Variants in PRRG1 observed in about 807,000 individuals in gnomAD.
PRRG1 encodes the protein proline rich and Gla domain 1, also known as transmembrane gamma-carboxyglutamic acid protein 1.
PRRG1 carries 5 observed loss-of-function variants against 11.8 expected under a neutral mutation model. The observed-to-expected ratio is 0.42, with a 90% CI of 0.22 to 0.89. PRRG1 has a LOEUF of 0.89. PRRG1 is among the 40% of genes least tolerant of loss of function. The pLI, the probability that PRRG1 is intolerant of heterozygous loss-of-function variation, is 0.28. For missense variants in PRRG1, 155 were observed against 166.1 expected (o/e 0.93, Z 0.37); for synonymous variants, 66 against 60.4 (o/e 1.09, Z -0.43).
In PRRG1 at chrX:37,393,316, ATAT is replaced by A. The variant is rs1403874063; in HGVS notation, c.-41-12889_-41-12887del. Among the ~76,000 whole-genome samples the A allele has an allele frequency of 3.2e-4, 35 of 108,795 alleles. No individual in the cohort carries two copies. The East Asian group carries it at 9.7e-3, about 30-fold the overall frequency. 94.5% of individuals were successfully genotyped at this position (108,795 alleles called of 115,157 possible). ...TGTTAATGTATAATATATTAATTTT[ATAT>A]TATATTTAATATTAATTATACATAA... On this transcript the variant is annotated intron_variant, in intron 1 of 3. Coordinates refer to ENST00000378628, the MANE Select transcript of PRRG1 (RefSeq NM_001142395.2).
intron 3 of PRRG1, among the ~76,000 whole-genome samples, chrX:37,430,666 A>G (rs1349738851): frequency 9.8e-5 from 11 of 111,802 alleles, no homozygotes; most frequent in Non-Finnish European, 2.1e-4. Context: ...TTCACAAAAA[A>G]TTGCAAAGAT....
At position 37,408,929 on chromosome X, in the gene PRRG1, T is replaced by G. The variant is rs139424743; in HGVS notation, c.10+2670T>G. On this transcript the variant is annotated intron_variant, in intron 2 of 3. Coordinates refer to ENST00000378628, the MANE Select transcript of PRRG1 (RefSeq NM_001142395.2). ...CTCATCAGGTCACTAGCAAAGGGAC[T>G]GTTAGGTGCTTAGTTTAGAAGATGT... Among the ~76,000 whole-genome samples, 26 of 111,617 alleles carry G rather than the reference T, an allele frequency of 2.3e-4. No homozygotes were observed. The East Asian group carries it at 7.1e-3, about 30-fold the overall frequency.
intron 1 of PRRG1, among the ~76,000 whole-genome samples, chrX:37,405,243 C>T (rs1932150906): frequency 9.0e-6 from 1 of 111,681 alleles, no homozygotes; most frequent in Admixed American, 9.5e-5. Flanking sequence ...TGGGAAAACT[C>T]ATATAGTTGA....
intron 1 of PRRG1, among the ~76,000 whole-genome samples, chrX:37,387,908 A>T (rs1332601878): frequency 8.9e-6 from 1 of 112,348 alleles, no homozygotes; most frequent in East Asian, 2.8e-4. Flanking sequence ...TGTAAAATAA[A>T]AAACAACTTA....
intron 3 of PRRG1, among the ~76,000 whole-genome samples, chrX:37,430,495 C>G (rs1009549625): frequency 1.6e-4 from 18 of 111,469 alleles, no homozygotes; most frequent in African/African-American, 5.9e-4. Flanking sequence ...TTCCAGCACC[C>G]AAAAACATCA....
intron 1 of PRRG1, among the ~76,000 whole-genome samples, chrX:37,357,556 A>C (rs782324064): frequency 3.6e-5 from 4 of 111,954 alleles, no homozygotes; most frequent in Non-Finnish European, 7.5e-5. Flanking sequence ...GTAAGTTTTA[A>C]ATTTTGTGCC....
intron 1 of PRRG1, chrX:37,403,661 A>G: frequency 2.2e-6 from 1 of 455,978 alleles, no homozygotes; most frequent in African/African-American, 2.8e-5. Flanking sequence ...AATAAAATAA[A>G]ATAAAATAAA....
chrX:37,438,242 A>T (rs782313344), intron 3 of PRRG1, among the ~76,000 whole-genome samples: 1 of 110,248 alleles, frequency 9.1e-6, no homozygotes, highest in East Asian at 2.8e-4. Flanking sequence ...AAAAGTATAA[A>T]TAATTATGGG....
intron 1 of PRRG1, among the ~76,000 whole-genome samples, chrX:37,398,594 G>T (rs782776303): frequency 8.9e-6 from 1 of 112,558 alleles, no homozygotes; most frequent in Non-Finnish European, 1.9e-5. Context: ...CCAAAGGAAC[G>T]CAGTTCCTCA....
intron 1 of PRRG1, among the ~76,000 whole-genome samples, chrX:37,356,150 A>C (rs1556366072): frequency 8.9e-6 from 1 of 112,213 alleles, no homozygotes; most frequent in East Asian, 2.8e-4. Context: ...GTAAAATATA[A>C]GAAATATATA....
chrX:37,351,062 T>C (rs782632918), intron 1 of PRRG1, among the ~76,000 whole-genome samples: 1 of 111,572 alleles, frequency 9.0e-6, no homozygotes, highest in East Asian at 2.8e-4. Context: ...CTGTTAAATT[T>C]ATATAACTTG....
intron 1 of PRRG1, among the ~76,000 whole-genome samples, chrX:37,388,893 T>C (rs1251813574): frequency 8.9e-6 from 1 of 112,905 alleles, no homozygotes; most frequent in African/African-American, 3.2e-5. Context: ...TCTGCTTTCC[T>C]TTTAAATATG....
chrX:37,428,003 C>T (rs1165340860), intron 3 of PRRG1, among the ~76,000 whole-genome samples: 1 of 111,207 alleles, frequency 9.0e-6, no homozygotes, highest in Non-Finnish European at 1.9e-5. Flanking sequence ...AAAGCGGAAA[C>T]CCTCGATAAA....
chrX:37,432,301 T>A (rs1168974594), intron 3 of PRRG1, among the ~76,000 whole-genome samples: 1 of 89,962 alleles, frequency 1.1e-5, no homozygotes, highest in African/African-American at 8.1e-5. Context: ...TTAGCCAGGA[T>A]GGTCTCGATC....
At chrX:37,369,481 ATCACT>A (rs1930688903) in intron 1 of PRRG1, among the ~76,000 whole-genome samples, 2 of 112,183 alleles carry the variant, frequency 1.8e-5, no homozygotes, top group East Asian at 5.5e-4. Flanking sequence ...TTGTGGTAAC[ATCACT>A]TAAAATCTAC....
intron 1 of PRRG1, among the ~76,000 whole-genome samples, chrX:37,352,296 A>G (rs1300804384): frequency 8.9e-6 from 1 of 112,355 alleles, no homozygotes; most frequent in African/African-American, 3.2e-5. Flanking sequence ...CTTATTTTTC[A>G]TTTCTCCCTT....
chrX:37,434,103 T>C (rs1932859794), intron 3 of PRRG1, among the ~76,000 whole-genome samples: 1 of 112,557 alleles, frequency 8.9e-6, no homozygotes, highest in South Asian at 3.7e-4. Context: ...TTACTATCTT[T>C]TTGTTTACTA....
chrX:37,357,147 A>T (rs904883290), intron 1 of PRRG1, among the ~76,000 whole-genome samples: 1 of 111,314 alleles, frequency 9.0e-6, no homozygotes, highest in Non-Finnish European at 1.9e-5. Context: ...AATGTCATAT[A>T]GTTGGAATTA....
intron 1 of PRRG1, among the ~76,000 whole-genome samples, chrX:37,378,188 C>T (rs1351915538): frequency 8.9e-6 from 1 of 112,012 alleles, no homozygotes; most frequent in Non-Finnish European, 1.9e-5. Flanking sequence ...TTTTATTCTT[C>T]TGAGGACCCA....
Sources: allele counts gnomAD v4.1 joint callset (sites outside exome capture counted in the v4.1 genomes callset), GRCh38; gene constraint gnomAD v4.1.1; transcripts MANE v1.5; gene names NCBI Gene and HGNC (gene_info 2026-07-23, HGNC 2026-07-21).